Variants in ENTREP2 observed in about 807,000 individuals in gnomAD.
The protein encoded by ENTREP2 is endosomal transmembrane epsin interactor 2.
the ENTREP2 span, among the ~76,000 whole-genome samples, chr15:29,136,863 G>A: frequency 6.6e-6 from 1 of 152,144 alleles, no homozygotes. Context: ...GCTTCTTTCG[G>A]GTTGCGTTGC....
chr15:29,552,863 C>T, the ENTREP2 span, among the ~76,000 whole-genome samples: 71 of 152,308 alleles, frequency 4.7e-4, no homozygotes, highest in Non-Finnish European at 7.6e-4. Flanking sequence ...AAAGACCCCA[C>T]TCACAGTAAC....
the ENTREP2 span, among the ~76,000 whole-genome samples, chr15:29,594,801 A>T: frequency 6.6e-6 from 1 of 151,972 alleles, no homozygotes; most frequent in African/African-American, 2.4e-5. Flanking sequence ...CCTCTCTACT[A>T]AAAATTTAAA....
the ENTREP2 span, among the ~76,000 whole-genome samples, chr15:29,304,667 CAG>C: frequency 6.6e-6 from 1 of 152,194 alleles, no homozygotes. Context: ...TGGCTCCCTA[CAG>C]CACACAGAGT....
At chr15:29,549,796 A>C in the ENTREP2 span, among the ~76,000 whole-genome samples, 1 of 152,140 alleles carries the variant, frequency 6.6e-6, no homozygotes, top group Non-Finnish European at 1.5e-5. Flanking sequence ...AGAGTAAGCA[A>C]GGGCATTGCT....
the ENTREP2 span, among the ~76,000 whole-genome samples, chr15:29,282,774 G>T: frequency 6.6e-6 from 1 of 152,210 alleles, no homozygotes; most frequent in Non-Finnish European, 1.5e-5. Context: ...AGGCATACCG[G>T]TCTGTTCTTG....
chr15:29,303,609 C>T, the ENTREP2 span, among the ~76,000 whole-genome samples: 1 of 152,018 alleles, frequency 6.6e-6, no homozygotes, highest in African/African-American at 2.4e-5. Context: ...AGCACAGTAC[C>T]CGACAGGTAG....
At chr15:29,557,538 C>T in the ENTREP2 span, among the ~76,000 whole-genome samples, 2 of 152,176 alleles carry the variant, frequency 1.3e-5, no homozygotes, top group Non-Finnish European at 2.9e-5. Flanking sequence ...GAGACCGCTG[C>T]TGGAACCAAG....
At chr15:29,550,382 C>T in the ENTREP2 span, among the ~76,000 whole-genome samples, 1 of 152,216 alleles carries the variant, frequency 6.6e-6, no homozygotes, top group Non-Finnish European at 1.5e-5. Flanking sequence ...TCTAGGAACT[C>T]ACTCAATAAA....
chr15:29,462,653 A>G, the ENTREP2 span, among the ~76,000 whole-genome samples: 1 of 151,828 alleles, frequency 6.6e-6, no homozygotes, highest in Admixed American at 6.6e-5. Flanking sequence ...ATTCCTCAAG[A>G]TGAAAAGTGG....
At chr15:29,252,447 C>A in the ENTREP2 span, 1 of 1,551,042 alleles carries the variant, frequency 6.4e-7, no homozygotes, top group Non-Finnish European at 8.7e-7. Flanking sequence ...CAGCATTACA[C>A]ACACTGCAGA....
the ENTREP2 span, among the ~76,000 whole-genome samples, chr15:29,521,210 C>T: frequency 6.6e-6 from 1 of 152,108 alleles, no homozygotes; most frequent in African/African-American, 2.4e-5. Flanking sequence ...CTCCCAGTGC[C>T]GAGGTGGAAA....
chr15:29,608,082 T>C, the ENTREP2 span, among the ~76,000 whole-genome samples: 2 of 152,142 alleles, frequency 1.3e-5, no homozygotes, highest in South Asian at 2.1e-4. Flanking sequence ...CTGCCTGCTT[T>C]ATATTTGCTG....
chr15:29,372,616 GC>G, the ENTREP2 span, among the ~76,000 whole-genome samples: 1 of 152,122 alleles, frequency 6.6e-6, no homozygotes, highest in African/African-American at 2.4e-5. Context: ...TAAAATCAAT[GC>G]AATCACAAAA....
the ENTREP2 span, among the ~76,000 whole-genome samples, chr15:29,601,757 C>T: frequency 2.0e-5 from 3 of 152,172 alleles, no homozygotes; most frequent in Admixed American, 6.5e-5. Flanking sequence ...TTATAAAATG[C>T]CACCTGGGTT....
At chr15:29,467,532 C>G in the ENTREP2 span, among the ~76,000 whole-genome samples, 1 of 152,108 alleles carries the variant, frequency 6.6e-6, no homozygotes, top group Non-Finnish European at 1.5e-5. Flanking sequence ...GTGTGAGATG[C>G]AGGTTAAGAG....
the ENTREP2 span, among the ~76,000 whole-genome samples, chr15:29,333,374 C>T: frequency 6.6e-6 from 1 of 152,194 alleles, no homozygotes; most frequent in Non-Finnish European, 1.5e-5. Flanking sequence ...AAGACAGGAG[C>T]ACTGTGCCCA....
chr15:29,168,190 C>T, the ENTREP2 span, among the ~76,000 whole-genome samples: 75,923 of 151,842 alleles, frequency 0.5, 19,953 homozygotes, highest in East Asian at 0.7. Flanking sequence ...TAGTGGGAGG[C>T]GGGAAAGGGA....
the ENTREP2 span, among the ~76,000 whole-genome samples, chr15:29,536,899 C>T: frequency 1.3e-5 from 2 of 152,042 alleles, no homozygotes; most frequent in East Asian, 1.9e-4. Context: ...CCACCAGAAG[C>T]CAGGAGAAAG....
At chr15:29,659,551 C>G in the ENTREP2 span, among the ~76,000 whole-genome samples, 1 of 152,154 alleles carries the variant, frequency 6.6e-6, no homozygotes, top group Non-Finnish European at 1.5e-5. Flanking sequence ...ACAGAACAGA[C>G]TGGAACCACA....
Sources: gnomAD v4.1 joint callset for allele counts (sites outside exome capture counted in the v4.1 genomes callset) on GRCh38, gnomAD v4.1.1 for gene constraint, MANE v1.5 for transcripts, NCBI Gene and HGNC (gene_info 2026-07-23, HGNC 2026-07-21) for gene names.